The following COL21A1 variants were observed in gnomAD, a reference collection of about 807,000 sequenced individuals.
COL21A1 encodes collagen type XXI alpha 1 chain.
In COL21A1, 149 loss-of-function variants were observed where a neutral mutation model predicts 137.9. That is an observed-to-expected ratio of 1.08 (90% CI 0.95 to 1.24). COL21A1 has a LOEUF of 1.24. Ranked by LOEUF, COL21A1 falls within the 50% of genes most tolerant of loss-of-function variation. COL21A1 has a pLI of 0.00. For synonymous variants in COL21A1, 456 were observed against 391.5 expected (o/e 1.16, Z -1.95); for missense variants, 1,167 against 1,158.4 (o/e 1.01, Z -0.11).
chr6:56,259,479 T>C (rs185787868), intron 1 of COL21A1, among the ~76,000 whole-genome samples: 26 of 152,362 alleles, frequency 1.7e-4, no homozygotes, highest in East Asian at 1.3e-3. Context: ...CTTGGCTGCT[T>C]CCAAATGTTA....
intron 1 of COL21A1, among the ~76,000 whole-genome samples, chr6:56,255,947 G>C (rs1782959994): frequency 6.6e-6 from 1 of 152,134 alleles, no homozygotes; most frequent in Non-Finnish European, 1.5e-5. Flanking sequence ...AGGTCTGCTT[G>C]GCTTAGCTGG....
intron 1 of COL21A1, among the ~76,000 whole-genome samples, chr6:56,364,765 GAA>G (rs10557266): frequency 7.2e-4 from 93 of 129,564 alleles, no homozygotes; most frequent in South Asian, 2.1e-3. Flanking sequence ...AAGAGCCCAG[GAA>G]AAAAAAAAAA....
chr6:56,071,053 G>C (rs1028325335), intron 20 of COL21A1, among the ~76,000 whole-genome samples: 1 of 151,488 alleles, frequency 6.6e-6, no homozygotes. Flanking sequence ...TAAGGGAGGA[G>C]AGTCAAATCT....
chr6:56,303,281 G>A (rs1228472460), intron 1 of COL21A1, among the ~76,000 whole-genome samples: 2 of 152,174 alleles, frequency 1.3e-5, no homozygotes, highest in Admixed American at 1.3e-4. Context: ...TCACAAAGTA[G>A]CTTGATGGGG....
At chr6:56,305,552 C>A (rs1174817680) in intron 1 of COL21A1, among the ~76,000 whole-genome samples, 2 of 152,092 alleles carry the variant, frequency 1.3e-5, no homozygotes, top group Non-Finnish European at 2.9e-5. Flanking sequence ...ACTAGGATTG[C>A]AACCCCTGCC....
intron 1 of COL21A1, among the ~76,000 whole-genome samples, chr6:56,207,670 C>T (rs1582643044): frequency 6.6e-6 from 1 of 152,230 alleles, no homozygotes; most frequent in East Asian, 1.9e-4. Context: ...GGGAATCCTC[C>T]CTAACTCATT....
intron 17 of COL21A1, among the ~76,000 whole-genome samples, chr6:56,097,803 A>G (rs1483740520): frequency 9.2e-6 from 1 of 108,826 alleles, no homozygotes; most frequent in Non-Finnish European, 1.8e-5. Flanking sequence ...ATATAAATCT[A>G]TATAAATATA....
rs77519761 is a variant in COL21A1 at position 56,148,878 on chromosome 6, C to A, written c.1435-6895G>T. On this transcript the variant is annotated intron_variant, in intron 10 of 29. Coordinates refer to ENST00000244728, the MANE Select transcript of COL21A1 (RefSeq NM_030820.4). ...CTGTCTTCTGAGTTCTGGCCCACTC[C>A]AAGTTATACACTTCTGAATGAATTC... 2.4e-3 allele frequency among the ~76,000 whole-genome samples: 360 copies of A among 152,274 alleles called. 3 individuals carry two copies. The highest frequency in any genetic ancestry group is 8.1e-3 in the African/African-American group (338 of 41,556).
At chr6:56,199,793 C>A (rs73455349) in intron 1 of COL21A1, among the ~76,000 whole-genome samples, 1 of 152,128 alleles carries the variant, frequency 6.6e-6, no homozygotes, top group Non-Finnish European at 1.5e-5. Context: ...ATTCATTCAA[C>A]GACAAACATT....
intron 1 of COL21A1, among the ~76,000 whole-genome samples, chr6:56,392,666 TAAAC>T (rs1159593318): frequency 6.6e-6 from 1 of 152,002 alleles, no homozygotes; most frequent in Non-Finnish European, 1.5e-5. Context: ...GGATACAAAA[TAAAC>T]ACACAAAACT....
At chr6:56,243,819 A>AGAGT in intron 1 of COL21A1, among the ~76,000 whole-genome samples, 1 of 152,322 alleles carries the variant, frequency 6.6e-6, no homozygotes, top group Admixed American at 6.5e-5. Context: ...CCTTGTCTTT[A>AGAGT]ACCAAGAGTC....
intron 16 of COL21A1, among the ~76,000 whole-genome samples, chr6:56,114,112 G>A (rs1375944670): frequency 6.6e-6 from 1 of 152,228 alleles, no homozygotes; most frequent in East Asian, 1.9e-4. Flanking sequence ...TGGAACTTCT[G>A]GACCCATTTG....
intron 9 of COL21A1, among the ~76,000 whole-genome samples, chr6:56,160,968 A>G (rs1229658630): frequency 3.3e-5 from 5 of 152,116 alleles, no homozygotes; most frequent in African/African-American, 4.8e-5. Context: ...GACCTATTCC[A>G]TTCTCGAAAA....
chr6:56,248,328 G>A (rs1457751601), upstream of COL21A1, among the ~76,000 whole-genome samples: 2 of 152,026 alleles, frequency 1.3e-5, no homozygotes, highest in Non-Finnish European at 2.9e-5. Context: ...CATTTCTTCT[G>A]CCTCCAAAAC....
At chr6:56,311,849 TGTTAGCACAAAGGGGA>T (rs1214335561) in intron 1 of COL21A1, among the ~76,000 whole-genome samples, 1 of 152,224 alleles carries the variant, frequency 6.6e-6, no homozygotes, top group African/African-American at 2.4e-5. Context: ...CAAGACTCTA[TGTTAGCACAAAGGGGA>T]AACACTTATC....
chr6:56,266,341 C>T (rs548535594), intron 1 of COL21A1, among the ~76,000 whole-genome samples: 3 of 152,268 alleles, frequency 2.0e-5, no homozygotes, highest in African/African-American at 7.2e-5. Flanking sequence ...TAGGCTGGTA[C>T]CTGTGTTTAT....
intron 17 of COL21A1, among the ~76,000 whole-genome samples, chr6:56,081,894 T>C (rs1414195352): frequency 6.6e-6 from 1 of 151,840 alleles, no homozygotes; most frequent in Non-Finnish European, 1.5e-5. Context: ...CTCATGTTTA[T>C]AATAAAGCAG....
rs150643820 is a variant in COL21A1, at chr6:56,378,638, G to A, written c.-39+15333C>T. Among the ~76,000 whole-genome samples, 9 of 152,332 alleles carry A rather than the reference G, an allele frequency of 5.9e-5. No homozygotes were observed. In the East Asian group the frequency reaches 1.7e-3, roughly 29 times the overall value. ...GGATAGCACCTCTGGACCTGCCTGG[G>A]GCCTGTGGGAACTTTCTGCCCTTAA... On this transcript the variant is annotated intron_variant, in intron 1 of 28. Coordinates refer to the COL21A1 transcript ENST00000370819.
chr6:56,338,626 A>G (rs1468196492), intron 1 of COL21A1, among the ~76,000 whole-genome samples: 1 of 152,194 alleles, frequency 6.6e-6, no homozygotes, highest in Non-Finnish European at 1.5e-5. Flanking sequence ...CCCTTTGATC[A>G]AAGATTCAGG....
Sources: allele counts gnomAD v4.1 joint callset (sites outside exome capture counted in the v4.1 genomes callset), GRCh38; gene constraint gnomAD v4.1.1; transcripts MANE v1.5; gene names NCBI Gene and HGNC (gene_info 2026-07-23, HGNC 2026-07-21).